The following ERICH1 variants were observed in gnomAD, a reference collection of about 807,000 sequenced individuals.
ERICH1 encodes the protein glutamate-rich protein 1.
Under a neutral mutation model 39.6 loss-of-function variants are expected in ERICH1, and 56 were observed. That is an observed-to-expected ratio of 1.41 (90% CI 1.14 to 1.77). The LOEUF (loss-of-function observed/expected upper bound fraction) is 1.77. Ranked by LOEUF, ERICH1 falls within the 40% of genes most tolerant of loss-of-function variation. ERICH1 has a pLI of 0.00. For synonymous variants in ERICH1, 313 were observed against 223.6 expected (o/e 1.40, Z -3.57); for missense variants, 826 against 575.4 (o/e 1.44, Z -4.45).
At chr8:703,039 G>A (rs1014225832) in intron 2 of ERICH1, among the ~76,000 whole-genome samples, 4 of 152,220 alleles carry the variant, frequency 2.6e-5, no homozygotes, top group African/African-American at 9.6e-5. Flanking sequence ...CATGAGCTGC[G>A]TGAGCTTTCA....
At chr8:702,157 C>T (rs1008554955) in intron 2 of ERICH1, among the ~76,000 whole-genome samples, 3 of 151,658 alleles carry the variant, frequency 2.0e-5, no homozygotes, top group Admixed American at 2.0e-4. Context: ...CTAAAGAACC[C>T]CGGAAATTGG....
At chr8:629,604 G>A (rs1465881321) in intron 3 of ERICH1, among the ~76,000 whole-genome samples, 5 of 103,396 alleles carry the variant, frequency 4.8e-5, no homozygotes, top group African/African-American at 2.0e-4. Flanking sequence ...AGACAGAGCT[G>A]ACTCACACCC....
chr8:630,349 ATG>A (rs1252456099), intron 3 of ERICH1, among the ~76,000 whole-genome samples: 3 of 122,942 alleles, frequency 2.4e-5, no homozygotes, highest in African/African-American at 6.6e-5. Context: ...GAGCACCCAC[ATG>A]GACAGAGCTG....
At chr8:631,251 C>A (rs1318023589) in intron 3 of ERICH1, among the ~76,000 whole-genome samples, 1 of 152,364 alleles carries the variant, frequency 6.6e-6, no homozygotes, top group South Asian at 2.1e-4. Flanking sequence ...GCTGCCCACA[C>A]ACTGGTGGTG....
intron 3 of ERICH1, among the ~76,000 whole-genome samples, chr8:690,003 T>C (rs1196919717): frequency 1.3e-5 from 2 of 152,212 alleles, no homozygotes; most frequent in Non-Finnish European, 2.9e-5. Flanking sequence ...ACAACTTTCT[T>C]CTGGCACAAT....
intron 3 of ERICH1, among the ~76,000 whole-genome samples, chr8:642,336 CTTTTTTTTTT>C (rs33990765): frequency 5.0e-5 from 3 of 60,450 alleles, no homozygotes; most frequent in African/African-American, 1.4e-4. Flanking sequence ...ATGGTCTGGA[CTTTTTTTTTT>C]TTTTTTTTTT....
intron 3 of ERICH1, among the ~76,000 whole-genome samples, chr8:688,401 C>T (rs1808130114): frequency 8.5e-6 from 1 of 117,230 alleles, no homozygotes. Flanking sequence ...CAGAGGCGCC[C>T]AGGCTCCGCT....
downstream of ERICH1, among the ~76,000 whole-genome samples, chr8:660,290 T>C (rs544389695): frequency 2.0e-5 from 3 of 152,372 alleles, no homozygotes; most frequent in East Asian, 5.8e-4. Flanking sequence ...ATTGTAATAT[T>C]TGACTTTTAA....
At chr8:724,483 C>A (rs1199321672) in intron 1 of ERICH1, among the ~76,000 whole-genome samples, 1 of 152,096 alleles carries the variant, frequency 6.6e-6, no homozygotes, top group Non-Finnish European at 1.5e-5. Flanking sequence ...CAGCGGGATG[C>A]GAGCAGCCCA....
Position 637,792 on chromosome 8 carries a change from G to T in ERICH1, c.977-22508C>A, listed in dbSNP as rs371836370. On this transcript the variant is annotated intron_variant, in intron 3 of 3. Transcript: ENST00000522706. ...CTCAGTTGGGGAGTGGAGCAGCCGGGAGTCAAACAGTGCTTGCCTGACGTC... is the reference window on the plus strand; with the variant it reads ...CTCAGTTGGGGAGTGGAGCAGCCGGTAGTCAAACAGTGCTTGCCTGACGTC... Among the ~76,000 whole-genome samples the T allele has an allele frequency of 2.1e-3, 316 of 152,308 alleles. 2 individuals carry two copies. The highest frequency in any genetic ancestry group is 0.015 in the South Asian group (71 of 4,830).
chr8:630,043 CCACA>C (rs1251723003), intron 3 of ERICH1, among the ~76,000 whole-genome samples: 4 of 96,276 alleles, frequency 4.2e-5, no homozygotes, highest in African/African-American at 7.0e-5. Flanking sequence ...CCGTGACCAC[CCACA>C]CAGACAGAGC....
At position 715,971 on chromosome 8, in the gene ERICH1, G is replaced by A. The variant is rs749572235; in HGVS notation, c.59C>T (p.Pro20Leu). Reference sequence around the variant, plus strand: ...CCTCTTTCCTTGGCCACTTGGAACAGGAGGAAAAAGTCTCTGCAGCACCTT... The same window carrying A: ...CCTCTTTCCTTGGCCACTTGGAACAAGAGGAAAAAGTCTCTGCAGCACCTT... ...VEKVLQRLFP[P>L]VPSGQGKREP... The change falls in exon 2 of 6, where the codon CCT becomes CTT. Residue 20 changes from proline (P) to leucine (L), a missense_variant. Coordinates refer to ENST00000262109, the MANE Select transcript of ERICH1 (RefSeq NM_207332.3). The A allele has an allele frequency of 1.9e-6, 3 of 1,613,170 alleles. No individual in the cohort carries two copies. The highest frequency in any genetic ancestry group is 1.7e-6 in the Non-Finnish European group (2 of 1,179,734).
chr8:715,128 C>T (rs1214084570), intron 2 of ERICH1, among the ~76,000 whole-genome samples: 1 of 150,070 alleles, frequency 6.7e-6, no homozygotes, highest in African/African-American at 2.5e-5. Context: ...GGTCTCTTCC[C>T]ACATCTCTCA....
chr8:670,794 C>T (rs952467505), intron 4 of ERICH1, among the ~76,000 whole-genome samples: 4 of 152,188 alleles, frequency 2.6e-5, no homozygotes, highest in African/African-American at 9.7e-5. Flanking sequence ...CCCCTGGCCC[C>T]AGGTCCAACA....
intron 5 of ERICH1, among the ~76,000 whole-genome samples, chr8:665,287 G>C (rs1802027276): frequency 6.6e-6 from 1 of 152,164 alleles, no homozygotes; most frequent in Non-Finnish European, 1.5e-5. Context: ...TGAGCCCACT[G>C]GTCCCCGGCT....
intron 1 of ERICH1, among the ~76,000 whole-genome samples, chr8:723,638 A>T (rs1395367558): frequency 6.6e-6 from 1 of 152,224 alleles, no homozygotes; most frequent in Non-Finnish European, 1.5e-5. Flanking sequence ...TCTCTTTTTC[A>T]TCCTACATCT....
intron 3 of ERICH1, among the ~76,000 whole-genome samples, chr8:692,014 C>T (rs1476894096): frequency 6.6e-6 from 1 of 152,110 alleles, no homozygotes; most frequent in East Asian, 1.9e-4. Context: ...CATGCAACAA[C>T]AATAGGAATT....
At chr8:728,018 C>T (rs954302004) in intron 1 of ERICH1, among the ~76,000 whole-genome samples, 1 of 152,218 alleles carries the variant, frequency 6.6e-6, no homozygotes, top group Admixed American at 6.5e-5. Flanking sequence ...TCTGACTGCT[C>T]AGGGCTGGGC....
intron 3 of ERICH1, among the ~76,000 whole-genome samples, chr8:630,391 G>C (rs1176873741): frequency 3.7e-5 from 5 of 136,104 alleles, no homozygotes; most frequent in Admixed American, 2.9e-4. Flanking sequence ...CACCCACACA[G>C]ACAGAGCTGA....
Sources: allele counts gnomAD v4.1 joint callset (sites outside exome capture counted in the v4.1 genomes callset), GRCh38; gene constraint gnomAD v4.1.1; transcripts MANE v1.5; gene names NCBI Gene and HGNC (gene_info 2026-07-23, HGNC 2026-07-21).